PHF20L1: variants seen among roughly 807,000 people sequenced by gnomAD.
PHF20L1 encodes the protein PHD finger protein 20-like protein 1.
A neutral mutation model predicts 125.5 loss-of-function variants in PHF20L1; 44 were observed. That is an observed-to-expected ratio of 0.35 (90% CI 0.28 to 0.45). The LOEUF (loss-of-function observed/expected upper bound fraction) is 0.45, where lower values mean the gene tolerates loss of function less well. Among genes scored for constraint, PHF20L1 ranks in the 20% least tolerant of loss-of-function variants. The probability of loss-of-function intolerance (pLI) is 1.00; values close to 1 mark genes in which losing one functional copy is unlikely to be tolerated. For synonymous variants in PHF20L1, 380 were observed against 403.1 expected (o/e 0.94, Z 0.69); for missense variants, 1,012 against 1,217.2 (o/e 0.83, Z 2.51).
At chr8:132,796,488 TA>T (rs1832405171) in intron 4 of PHF20L1, among the ~76,000 whole-genome samples, 2 of 152,018 alleles carry the variant, frequency 1.3e-5, no homozygotes, top group Admixed American at 1.3e-4. Flanking sequence ...TGTGAAAAAA[TA>T]AATCATAGTA....
In PHF20L1 at chr8:132,778,245, G is replaced by C. The variant is rs78621872; in HGVS notation, c.83+334G>C. ...GAAGTAGAGAGAGGAGTAATCCAGA[G>C]AACCAACTTCTCATGTTTTGGATAA... On this transcript the variant is annotated intron_variant, in intron 2 of 20. Transcript: ENST00000395386. Among the ~76,000 whole-genome samples, 118 of 152,290 alleles carry C rather than the reference G, an allele frequency of 7.7e-4. No homozygotes were observed. In the East Asian group the frequency reaches 0.015, roughly 20 times the overall value.
Position 132,823,953 on chromosome 8 carries a change from T to C in PHF20L1, c.1580-51T>C, listed in dbSNP as rs543099123. ...AATTGTAATGTAAAATATTGTCCCA[T>C]ACTTTTAAGTTTTTCTGATTAAACT... On this transcript the variant is annotated intron_variant, in intron 12 of 20. Coordinates refer to ENST00000395386, the MANE Select transcript of PHF20L1 (RefSeq NM_016018.5). 3 of 1,080,262 alleles carry C rather than the reference T, an allele frequency of 2.8e-6. No individual in the cohort carries two copies. In the South Asian group the frequency reaches 4.1e-5, roughly 15 times the overall value. 66.9% of individuals were successfully genotyped at this position (1,080,262 alleles called of 1,614,324 possible). A position where few individuals can be genotyped will look rare whatever the true frequency, so the allele number is the denominator to read the frequency against.
At chr8:132,822,429 A>G (rs1835708829) in intron 12 of PHF20L1, among the ~76,000 whole-genome samples, 1 of 151,978 alleles carries the variant, frequency 6.6e-6, no homozygotes, top group African/African-American at 2.4e-5. Context: ...CTAGAGATCC[A>G]GTGCTCCAGA....
At position 132,804,599 on chromosome 8, in the gene PHF20L1, G is replaced by A. The variant is rs960652368; in HGVS notation, c.722-16G>A. The A allele has an allele frequency of 7.6e-6, 12 of 1,589,150 alleles. No homozygotes were observed. The highest frequency in any genetic ancestry group is 5.4e-5 in the African/African-American group (4 of 73,982). On this transcript the variant is annotated splice_polypyrimidine_tract_variant and intron_variant, in intron 7 of 20. Coordinates refer to ENST00000395386, the MANE Select transcript of PHF20L1 (RefSeq NM_016018.5). ...ATTCTAGATAAACTCTCATATATGTGTTCTGTTGAAAGTAGGACTTCATGT... is the reference window on the plus strand; with the variant it reads ...ATTCTAGATAAACTCTCATATATGTATTCTGTTGAAAGTAGGACTTCATGT...
In PHF20L1 at chr8:132,816,917, C is replaced by A. The variant is rs1835050164; in HGVS notation, c.1213C>A (p.Pro405Thr). 1.2e-6 allele frequency: 2 copies of A among 1,612,126 alleles called. No homozygotes were observed. The highest frequency in any genetic ancestry group is 1.3e-5 in the African/African-American group (1 of 74,724). Residue 405 changes from proline (P) to threonine (T), a missense_variant, in exon 11 of 21, where the codon CCT becomes ACT. Physicochemically the swap from Pro to Thr is conservative, Grantham distance 38. Transcript: ENST00000395386. ...SPPQPVNPPR[P>T]FKHSERRRRS... ...TCCACAGCCTGTGAATCCCCCTAGA[C>A]CTTTCAAGCATAGTGAGCGGAGAAG...
chr8:132,839,096 A>G, intron 17 of PHF20L1: 1 of 283,792 alleles, frequency 3.5e-6, no homozygotes. Context: ...TTTAGAGGAC[A>G]GATGATGACT....
intron 16 of PHF20L1, among the ~76,000 whole-genome samples, chr8:132,837,410 G>C (rs75143612): frequency 0.014 from 2,094 of 152,186 alleles, 19 homozygotes; most frequent in Non-Finnish European, 0.022. Flanking sequence ...ACTATTTTAA[G>C]AGTTTTATGA....
rs535714943 is a variant in PHF20L1 at position 132,775,507 on chromosome 8, C to T, written c.-176C>T. 20 of 376,076 alleles carry T rather than the reference C, an allele frequency of 5.3e-5. No individual in the cohort carries two copies. Among genetic ancestry groups the T allele is most frequent in the South Asian group, 1.3e-4 (1 of 7,724 alleles). The allele number at this position is 376,076 out of a possible 1,614,324, so 23.3% of individuals were successfully genotyped here. ...CCTTGGGCGGATCCGGCGCTGCGGC[C>T]CCAGCTCGCTCCGCTCCTGCTCCCT... On this transcript the variant is annotated 5_prime_UTR_variant, in exon 1 of 21. Coordinates refer to ENST00000395386, the MANE Select transcript of PHF20L1 (RefSeq NM_016018.5).
At chr8:132,816,842 C>T (rs1835043244) in intron 10 of PHF20L1, 46 bp from the exon 11 acceptor site, 2 of 1,211,808 alleles carry the variant, frequency 1.7e-6, no homozygotes, top group South Asian at 1.2e-5. Flanking sequence ...TTGTAAGATG[C>T]TCCTGGTATG....
intron 14 of PHF20L1, chr8:132,826,263 G>GTGC (rs1836166201): frequency 6.6e-6 from 1 of 152,066 alleles, no homozygotes; most frequent in South Asian, 2.1e-4. Flanking sequence ...TGTTTCAGAC[G>GTGC]TGCTGTATTG....
Position 132,814,558 on chromosome 8 carries a change from G to T in PHF20L1, c.931-79G>T. ...AACAATGTTTCTGGATACTAAAGTT[G>T]CTTAACAGTCAAAATAGAATACAAG... is the stretch of plus-strand genomic sequence containing the variant. On this transcript the variant is annotated intron_variant, in intron 9 of 20. Coordinates refer to ENST00000395386, the MANE Select transcript of PHF20L1 (RefSeq NM_016018.5). 8.3e-6 allele frequency: 8 copies of T among 968,866 alleles called. No individual in the cohort carries two copies. The South Asian group carries it at 1.5e-4, about 19-fold the overall frequency. The allele number at this position is 968,866 out of a possible 1,614,324, so 60.0% of individuals were successfully genotyped here.
chr8:132,804,940 A>G (rs1334569295), intron 8 of PHF20L1, among the ~76,000 whole-genome samples, 200 bp downstream of exon 8: 1 of 151,962 alleles, frequency 6.6e-6, no homozygotes, highest in Non-Finnish European at 1.5e-5. Context: ...AAAATACCAC[A>G]TATCTTCTAC....
At chr8:132,840,693 C>A (rs762603006) in intron 18 of PHF20L1, among the ~76,000 whole-genome samples, 1 of 152,176 alleles carries the variant, frequency 6.6e-6, no homozygotes, top group East Asian at 1.9e-4. Context: ...TTACTCACAC[C>A]CAGGATAAGC....
At chr8:132,796,001 C>T (rs1832346555) in intron 4 of PHF20L1, among the ~76,000 whole-genome samples, 1 of 151,994 alleles carries the variant, frequency 6.6e-6, no homozygotes, top group African/African-American at 2.4e-5. Flanking sequence ...AGCGAAATCG[C>T]GGATAAGGGG....
chr8:132,817,761 A>G, intron 12 of PHF20L1: 2 of 473,436 alleles, frequency 4.2e-6, no homozygotes, highest in Non-Finnish European at 7.5e-6. Flanking sequence ...CATGCTGCTT[A>G]ACCTTGTCAC....
At chr8:132,834,388 T>C (rs969646733) in intron 15 of PHF20L1, among the ~76,000 whole-genome samples, 2 of 152,080 alleles carry the variant, frequency 1.3e-5, no homozygotes, top group African/African-American at 4.8e-5. Flanking sequence ...TAGGCTGAAA[T>C]ACTGGTGTGA....
chr8:132,826,135 A>G (rs1234662515), intron 14 of PHF20L1: 1 of 152,130 alleles, frequency 6.6e-6, no homozygotes, highest in Non-Finnish European at 1.5e-5. Context: ...AAATCCATAA[A>G]TAAATGTTAT....
chr8:132,812,725 A>G (rs1834538643), intron 9 of PHF20L1: 3 of 984,000 alleles, frequency 3.0e-6, no homozygotes, highest in Non-Finnish European at 2.4e-6. Context: ...GCCGAGTTAT[A>G]AAGCTCTTAA....
chr8:132,817,195 C>T, intron 11 of PHF20L1, 119 bp downstream of exon 11: 2 of 886,334 alleles, frequency 2.3e-6, no homozygotes, highest in Non-Finnish European at 3.4e-6. Context: ...GAGTTATAAG[C>T]ACTTCACTTA....
Sources: allele counts gnomAD v4.1 joint callset (sites outside exome capture counted in the v4.1 genomes callset), GRCh38; gene constraint gnomAD v4.1.1; transcripts MANE v1.5; gene names NCBI Gene and HGNC (gene_info 2026-07-23, HGNC 2026-07-21).